Variants in RPS6KA2 observed in about 807,000 individuals in gnomAD.
The protein encoded by RPS6KA2 is ribosomal protein S6 kinase alpha-2.
A neutral mutation model predicts 91.8 loss-of-function variants in RPS6KA2; 42 were observed. The observed-to-expected ratio is 0.46, with a 90% CI of 0.36 to 0.59. RPS6KA2 has a LOEUF of 0.59. Among genes scored for constraint, RPS6KA2 ranks in the 20% least tolerant of loss-of-function variants. The probability of loss-of-function intolerance (pLI) is 0.00; values close to 1 mark genes in which losing one functional copy is unlikely to be tolerated. For synonymous variants in RPS6KA2, 414 were observed against 393.6 expected (o/e 1.05, Z -0.61); for missense variants, 798 against 978.5 (o/e 0.82, Z 2.46).
At chr6:166,415,588 T>C (rs1297815957) in intron 19 of RPS6KA2, among the ~76,000 whole-genome samples, 1 of 152,108 alleles carries the variant, frequency 6.6e-6, no homozygotes, top group Non-Finnish European at 1.5e-5. Context: ...CAATGTGCCC[T>C]TGTCCTTGAC....
chr6:166,707,353 G>A (rs2128578729), intron 2 of RPS6KA2, among the ~76,000 whole-genome samples: 1 of 152,358 alleles, frequency 6.6e-6, no homozygotes, highest in South Asian at 2.1e-4. Flanking sequence ...AGACTTTCAG[G>A]AATAAGTGAA....
intron 2 of RPS6KA2, among the ~76,000 whole-genome samples, chr6:166,810,473 A>G (rs1314545583): frequency 6.6e-6 from 1 of 152,208 alleles, no homozygotes; most frequent in Non-Finnish European, 1.5e-5. Context: ...TGCATTAAAG[A>G]CGAGATGTGC....
intron 1 of RPS6KA2, among the ~76,000 whole-genome samples, chr6:166,580,295 C>T (rs762764339): frequency 2.2e-4 from 34 of 152,194 alleles, no homozygotes; most frequent in Non-Finnish European, 4.3e-4. Context: ...AAGCCTGGAG[C>T]GTAGCCTCAA....
intron 2 of RPS6KA2, among the ~76,000 whole-genome samples, chr6:166,668,871 TCTTC>T (rs559703281): frequency 0.027 from 3,076 of 112,244 alleles, 162 homozygotes; most frequent in African/African-American, 0.099. Flanking sequence ...CCTTTCTTTC[TCTTC>T]CTTCCTTCCT....
At chr6:166,548,244 C>T (rs1188850510) in intron 1 of RPS6KA2, among the ~76,000 whole-genome samples, 1 of 152,168 alleles carries the variant, frequency 6.6e-6, no homozygotes, top group African/African-American at 2.4e-5. Flanking sequence ...ATGTTGACAG[C>T]TCAGAAGAGC....
chr6:166,461,634 C>T (rs1288234398), intron 11 of RPS6KA2, among the ~76,000 whole-genome samples: 4 of 151,828 alleles, frequency 2.6e-5, no homozygotes, highest in Non-Finnish European at 5.9e-5. Context: ...CGCACTAGCT[C>T]GATCCAGCAC....
In RPS6KA2 at chr6:166,793,409, G is replaced by A. The variant is rs367998861; in HGVS notation, c.123+64791C>T. ...CTCATGGGTAGGAAGAATCAATATC[G>A]TGAAAATGGCCATACTGCCCAAGGT... is the stretch of plus-strand genomic sequence containing the variant. On this transcript the variant is annotated intron_variant, in intron 2 of 21. Transcript: ENST00000503859. 0.032 allele frequency among the ~76,000 whole-genome samples: 4,713 copies of A among 149,614 alleles called. 476 individuals carry two copies. In the East Asian group the frequency reaches 0.38, roughly 12 times the overall value.
chr6:166,719,152 G>A (rs897711191), intron 2 of RPS6KA2, among the ~76,000 whole-genome samples: 4 of 152,182 alleles, frequency 2.6e-5, no homozygotes, highest in South Asian at 2.1e-4. Flanking sequence ...GCATGGCTGC[G>A]TTCTTAGAAT....
intron 10 of RPS6KA2, 53 bp downstream of exon 10, chr6:166,488,780 T>TG: frequency 7.0e-7 from 1 of 1,425,718 alleles, no homozygotes; most frequent in Non-Finnish European, 9.8e-7. Flanking sequence ...CACTGTAGCT[T>TG]GCGGGGCAGC....
At chr6:166,430,707 G>A (rs1336755840) in intron 15 of RPS6KA2, 96 bp from the exon 16 acceptor site, 1 of 1,334,412 alleles carries the variant, frequency 7.5e-7, no homozygotes, top group African/African-American at 1.5e-5. Flanking sequence ...TCAGAGGGGA[G>A]AGGCTGGGAC....
intron 17 of RPS6KA2, among the ~76,000 whole-genome samples, chr6:166,422,440 G>A (rs1040305373): frequency 1.3e-5 from 2 of 152,132 alleles, no homozygotes; most frequent in African/African-American, 2.4e-5. Flanking sequence ...CATCGGAGCA[G>A]CTCTGGTCCA....
chr6:166,475,487 C>T (rs948086241), intron 10 of RPS6KA2, among the ~76,000 whole-genome samples: 1 of 152,182 alleles, frequency 6.6e-6, no homozygotes, highest in African/African-American at 2.4e-5. Flanking sequence ...GCCCAGAAGG[C>T]CCCTCCCCCC....
chr6:166,480,477 T>TA (rs1347612534), intron 10 of RPS6KA2, among the ~76,000 whole-genome samples: 967 of 41,074 alleles, frequency 0.024, 9 homozygotes, highest in Admixed American at 0.049. Flanking sequence ...AAGATTGTGA[T>TA]TTTATATATA....
chr6:166,862,419 C>A, exon 1 of RPS6KA2: 1 of 1,342,720 alleles, frequency 7.4e-7, no homozygotes, highest in South Asian at 1.5e-5. Context: ...CCCTCCCTGC[C>A]AAGCCAGGGC....
At chr6:166,742,409 A>G (rs189767854) in intron 2 of RPS6KA2, among the ~76,000 whole-genome samples, 1 of 152,296 alleles carries the variant, frequency 6.6e-6, no homozygotes, top group Admixed American at 6.5e-5. Flanking sequence ...GAGTTGTGTC[A>G]TAAGAGAGAC....
rs1164215991 is a variant in RPS6KA2, at chr6:166,612,151, G to A, written c.99+14770C>T. ...CGTCCAACATCAAGATGCAAGGGCCGCAATCTGAGTGTGAGGGCCAGGGAA... is the reference window on the plus strand; with the variant it reads ...CGTCCAACATCAAGATGCAAGGGCCACAATCTGAGTGTGAGGGCCAGGGAA... On this transcript the variant is annotated intron_variant, in intron 1 of 20. Coordinates refer to ENST00000265678, the MANE Select transcript of RPS6KA2 (RefSeq NM_021135.6). This position sits in a 1 kb window ranked among gnomAD's most constrained non-coding sequence, Gnocchi z 4.3. 2.6e-5 allele frequency among the ~76,000 whole-genome samples: 4 copies of A among 152,000 alleles called. No individual in the cohort carries two copies. Among genetic ancestry groups the A allele is most frequent in the Non-Finnish European group, 2.9e-5 (2 of 68,010 alleles).
chr6:166,671,686 C>G (rs551543392), intron 2 of RPS6KA2, among the ~76,000 whole-genome samples: 1 of 152,244 alleles, frequency 6.6e-6, no homozygotes, highest in African/African-American at 2.4e-5. Flanking sequence ...GAAATCTACA[C>G]AGCGCAGGGA....
chr6:166,639,916 G>C lies in RPS6KA2; in HGVS notation c.124-101132C>G, dbSNP rs2128549412. 6.6e-6 allele frequency among the ~76,000 whole-genome samples: 1 copy of C among 152,338 alleles called. No individual in the cohort carries two copies. The highest frequency in any genetic ancestry group is 2.1e-4 in the South Asian group (1 of 4,832). On this transcript the variant is annotated intron_variant, in intron 2 of 21. Coordinates refer to the RPS6KA2 transcript ENST00000503859. This position sits in a 1 kb window ranked among gnomAD's most constrained non-coding sequence, Gnocchi z 4.2. ...ACCAATGTTAAACTACTTCAGAGAA[G>C]CAAGTGTCCGTAGCGTTCCATGCGT...
In RPS6KA2 at chr6:166,662,344, G is replaced by T. The variant is rs879225584; in HGVS notation, c.124-123560C>A. Among the ~76,000 whole-genome samples the T allele has an allele frequency of 6.6e-6, 1 of 152,182 alleles. No homozygotes were observed. The highest frequency in any genetic ancestry group is 6.5e-5 in the Admixed American group (1 of 15,282). On this transcript the variant is annotated intron_variant, in intron 2 of 21. Transcript: ENST00000503859. This position sits in a 1 kb window ranked among gnomAD's most constrained non-coding sequence, Gnocchi z 4.3. ...ATTTAGCTATCCATTGGCAGGCAAA[G>T]GACGTATTTGATGCAGGGGTGGTAA...
Sources: gnomAD v4.1 joint callset for allele counts (sites outside exome capture counted in the v4.1 genomes callset) on GRCh38, gnomAD v4.1.1 for gene constraint, Gnocchi (gnomAD v3.1) non-coding constraint, MANE v1.5 for transcripts, NCBI Gene and HGNC (gene_info 2026-07-23, HGNC 2026-07-21) for gene names.